The following INO80 variants were observed in gnomAD, a reference collection of about 807,000 sequenced individuals.
The protein encoded by INO80 is chromatin-remodeling ATPase INO80.
INO80 carries 20 observed loss-of-function variants against 203.4 expected under a neutral mutation model. The ratio of observed to expected loss-of-function variants is 0.10; its 90% confidence interval spans 0.07 to 0.14. The LOEUF (loss-of-function observed/expected upper bound fraction) is 0.14, where lower values mean the gene tolerates loss of function less well. Among genes scored for constraint, INO80 ranks in the 10% least tolerant of loss-of-function variants. The pLI is 1.00. For missense variants in INO80, 1,419 were observed against 1,914.4 expected, an observed-to-expected ratio of 0.74 and a Z score of 4.83; for synonymous variants, 726 against 685.2, an observed-to-expected ratio of 1.06 and a Z score of -0.93.
At chr15:41,075,647 G>A (rs1050652435) in intron 9 of INO80, among the ~76,000 whole-genome samples, 12 of 152,074 alleles carry the variant, frequency 7.9e-5, no homozygotes, top group East Asian at 3.9e-4. Flanking sequence ...GTAGAGACGC[G>A]GTTTCACTGC....
At chr15:41,000,524 T>G (rs555115445) in intron 28 of INO80, among the ~76,000 whole-genome samples, 1 of 151,638 alleles carries the variant, frequency 6.6e-6, no homozygotes, top group African/African-American at 2.4e-5. Flanking sequence ...GGCGAAACCT[T>G]GTCTCTACAA....
intron 24 of INO80, among the ~76,000 whole-genome samples, chr15:41,036,841 G>A (rs2044583675): frequency 6.6e-6 from 1 of 152,142 alleles, no homozygotes; most frequent in South Asian, 2.1e-4. Flanking sequence ...CAGAACTTTG[G>A]GAGGCCGAGG....
chr15:41,004,319 T>A (rs2044006091), intron 28 of INO80, among the ~76,000 whole-genome samples: 1 of 152,230 alleles, frequency 6.6e-6, no homozygotes, highest in Non-Finnish European at 1.5e-5. Flanking sequence ...GAATTGTGGA[T>A]GTGTTTTATG....
chr15:41,047,153 T>C (rs1255058969), intron 23 of INO80, among the ~76,000 whole-genome samples: 4 of 151,862 alleles, frequency 2.6e-5, no homozygotes, highest in African/African-American at 9.7e-5. Context: ...TTTTTAGAGA[T>C]GGGGTTTCTC....
At chr15:41,086,795 A>G (rs2045571120) in intron 6 of INO80, among the ~76,000 whole-genome samples, 2 of 152,204 alleles carry the variant, frequency 1.3e-5, no homozygotes, top group Non-Finnish European at 2.9e-5. Context: ...CCTGGCAAAC[A>G]TGCAAACAAA....
intron 7 of INO80, among the ~76,000 whole-genome samples, chr15:41,081,641 G>A (rs1197689294): frequency 1.3e-5 from 2 of 152,090 alleles, no homozygotes; most frequent in East Asian, 3.9e-4. Context: ...AGCTATTTGT[G>A]TTTTCCACTC....
intron 28 of INO80, among the ~76,000 whole-genome samples, chr15:41,003,122 A>AAAAAAAC (rs1387710158): frequency 1.0e-5 from 1 of 96,142 alleles, no homozygotes; most frequent in Non-Finnish European, 3.1e-5. Context: ...TCTGTCTCAG[A>AAAAAAAC]AAAAACAAAA....
intron 9 of INO80, among the ~76,000 whole-genome samples, chr15:41,074,897 A>G (rs1195870720): frequency 2.6e-5 from 4 of 152,124 alleles, no homozygotes; most frequent in Non-Finnish European, 5.9e-5. Context: ...AGTGAGCACC[A>G]CTAAACTCGG....
rs79371529 is a variant in INO80, at chr15:41,006,956, G to A, written c.3403-1269C>T. On this transcript the variant is annotated intron_variant, in intron 27 of 35. Transcript: ENST00000648947. Reference sequence around the variant, plus strand: ...AACTAATGGCAGAAGGGTAGGGGGCGTTTTGGATAAAAAGGACTTCAAGAA... The same window carrying A: ...AACTAATGGCAGAAGGGTAGGGGGCATTTTGGATAAAAAGGACTTCAAGAA... 2.6e-3 allele frequency among the ~76,000 whole-genome samples: 390 copies of A among 152,172 alleles called. 1 individual carries two copies. Among genetic ancestry groups the A allele is most frequent in the African/African-American group, 8.6e-3 (359 of 41,532 alleles).
chr15:41,031,941 AGC>A (rs2044482804), intron 24 of INO80, among the ~76,000 whole-genome samples: 1 of 76,802 alleles, frequency 1.3e-5, no homozygotes, highest in African/African-American at 3.8e-5. Context: ...AGCACAGCAC[AGC>A]ACAGCACAGC....
intron 7 of INO80, among the ~76,000 whole-genome samples, chr15:41,084,881 CAT>C (rs767605257): frequency 6.8e-4 from 104 of 152,224 alleles, no homozygotes; most frequent in Non-Finnish European, 4.4e-4. Context: ...GGGCTACAAA[CAT>C]GTGCCGCTAC....
At chr15:41,049,705 G>A (rs2044832367) in intron 20 of INO80, among the ~76,000 whole-genome samples, 2 of 152,232 alleles carry the variant, frequency 1.3e-5, no homozygotes, top group East Asian at 3.9e-4. Flanking sequence ...GACCAACATG[G>A]GGAAGCCTCA....
chr15:41,041,255 A>G (rs774403244), intron 24 of INO80, among the ~76,000 whole-genome samples: 1 of 151,342 alleles, frequency 6.6e-6, no homozygotes, highest in Non-Finnish European at 1.5e-5. Flanking sequence ...TGCTTGGCTA[A>G]TTTTTGTATT....
At chr15:41,032,764 G>A (rs1014065945) in intron 24 of INO80, among the ~76,000 whole-genome samples, 1 of 152,144 alleles carries the variant, frequency 6.6e-6, no homozygotes, top group Non-Finnish European at 1.5e-5. Context: ...TTCAGGCCAG[G>A]CGTGGTAGCT....
At chr15:41,036,611 C>A (rs554335994) in intron 24 of INO80, among the ~76,000 whole-genome samples, 18 of 152,184 alleles carry the variant, frequency 1.2e-4, no homozygotes, top group African/African-American at 3.9e-4. Flanking sequence ...TTAATACATA[C>A]CATGTTCCAA....
intron 5 of INO80, among the ~76,000 whole-genome samples, chr15:41,090,278 G>C (rs1230728557): frequency 1.3e-5 from 2 of 152,146 alleles, no homozygotes; most frequent in African/African-American, 4.8e-5. Context: ...CACATTTATA[G>C]AAACAGAGCA....
chr15:41,034,113 A>C (rs183285888), intron 24 of INO80, among the ~76,000 whole-genome samples: 4 of 152,258 alleles, frequency 2.6e-5, no homozygotes, highest in African/African-American at 9.6e-5. Context: ...TCTAAGTATC[A>C]ACCGATCTGT....
At chr15:40,995,169 T>C (rs1049549166) in intron 29 of INO80, among the ~76,000 whole-genome samples, 2 of 152,242 alleles carry the variant, frequency 1.3e-5, no homozygotes, top group Non-Finnish European at 1.5e-5. Context: ...AAATGCAGAC[T>C]TTTGACTTCC....
chr15:41,032,930 C>T (rs1390789309), intron 24 of INO80, among the ~76,000 whole-genome samples: 3 of 152,086 alleles, frequency 2.0e-5, no homozygotes, highest in Non-Finnish European at 2.9e-5. Context: ...CCCAGCTACT[C>T]AGGAGGCTGA....
Sources: allele counts gnomAD v4.1 joint callset (sites outside exome capture counted in the v4.1 genomes callset), GRCh38; gene constraint gnomAD v4.1.1; transcripts MANE v1.5; gene names NCBI Gene and HGNC (gene_info 2026-07-23, HGNC 2026-07-21).